The following MGST1 variants were observed in gnomAD, a reference collection of about 807,000 sequenced individuals.
The protein encoded by MGST1 is glutathione S-transferase 12.
In MGST1, 5 loss-of-function variants were observed where a neutral mutation model predicts 8.9. The observed-to-expected ratio is 0.56, with a 90% CI of 0.29 to 1.19. MGST1 has a LOEUF of 1.19. Among genes scored for constraint, MGST1 ranks in the 50% most tolerant of loss-of-function variants. The pLI, the probability that MGST1 is intolerant of heterozygous loss-of-function variation, is 0.08. For synonymous variants in MGST1, 54 were observed against 67.8 expected (o/e 0.80, Z 1.00); for missense variants, 182 against 187.4 (o/e 0.97, Z 0.17).
intron 4 of MGST1, among the ~76,000 whole-genome samples, chr12:16,530,623 C>T (rs550144041): frequency 4.0e-4 from 61 of 152,236 alleles, no homozygotes; most frequent in African/African-American, 1.3e-3. Context: ...GTAAACATGT[C>T]TGCCTACCCC....
intron 4 of MGST1, among the ~76,000 whole-genome samples, chr12:16,574,591 CT>C (rs768417391): frequency 4.8e-4 from 73 of 152,236 alleles, no homozygotes; most frequent in Non-Finnish European, 9.4e-4. Flanking sequence ...AACTTTCCCC[CT>C]ATTTGTACCA....
At chr12:16,364,642 A>G (rs1940151960), downstream of MGST1, among the ~76,000 whole-genome samples, 1 of 152,162 alleles carries the variant, frequency 6.6e-6, no homozygotes, top group African/African-American at 2.4e-5. The surrounding 1 kb of genome is among the most constrained non-coding windows in gnomAD (Gnocchi z 5.7). Flanking sequence ...CGTTTTTCCT[A>G]TGAACAAGAC....
rs1031340250 is a variant in MGST1, at chr12:16,556,752, T to C, written n.483-32776T>C. On this transcript the variant is annotated intron_variant and non_coding_transcript_variant, in intron 4 of 4. Transcript: ENST00000538857. Reference sequence around the variant, plus strand: ...GAATCTCCTATATGAAAACCTTCTGTATCCTGGGTAACAAAATTTGTCTGC... The same window carrying C: ...GAATCTCCTATATGAAAACCTTCTGCATCCTGGGTAACAAAATTTGTCTGC... Among the ~76,000 whole-genome samples, 7 of 152,160 alleles carry C rather than the reference T, an allele frequency of 4.6e-5. No individual in the cohort carries two copies. The East Asian group carries it at 5.8e-4, about 13-fold the overall frequency.
In MGST1 at chr12:16,362,051, A is replaced by G. The variant is rs1565438141; in HGVS notation, c.222-1744A>G. On this transcript the variant is annotated intron_variant, in intron 3 of 3. Coordinates refer to ENST00000396210, the MANE Select transcript of MGST1 (RefSeq NM_020300.5). The surrounding 1 kb of genome is among the most constrained non-coding windows in gnomAD (Gnocchi z 4.4). ...TCTCCTTTTTATAGTTTCTTCCTCA[A>G]CCTTAAAATGTCTGTCCTTTTGGCA... Among the ~76,000 whole-genome samples, 1 of 152,132 alleles carries G rather than the reference A, an allele frequency of 6.6e-6. No homozygotes were observed. The highest frequency in any genetic ancestry group is 1.5e-5 in the Non-Finnish European group (1 of 68,034).
At position 16,383,906 on chromosome 12, in the gene MGST1, A is replaced by G. The variant is rs1039836026; in HGVS notation, n.778+302A>G. Among the ~76,000 whole-genome samples the G allele has an allele frequency of 9.2e-5, 14 of 152,332 alleles. No individual in the cohort carries two copies. The East Asian group carries it at 2.7e-3, about 29-fold the overall frequency. Reference sequence around the variant, plus strand: ...TTACAAATGGCATAATCTCTTTCTTAAACCATACAGGTTTTTGTTGCATTT... The same window carrying G: ...TTACAAATGGCATAATCTCTTTCTTGAACCATACAGGTTTTTGTTGCATTT... On this transcript the variant is annotated intron_variant and non_coding_transcript_variant, in intron 1 of 1. Transcript: ENST00000359720.
chr12:16,442,145 A>AT (rs1408348406), downstream of MGST1, among the ~76,000 whole-genome samples: 1 of 151,674 alleles, frequency 6.6e-6, no homozygotes, highest in Non-Finnish European at 1.5e-5. The surrounding 1 kb of genome is among the most constrained non-coding windows in gnomAD (Gnocchi z 4.5). Context: ...TCTTTTGCCC[A>AT]TTTTTAAATA....
At chr12:16,429,633 A>G (rs1474055749) in intron 1 of MGST1, among the ~76,000 whole-genome samples, 1 of 152,164 alleles carries the variant, frequency 6.6e-6, no homozygotes, top group Non-Finnish European at 1.5e-5. Flanking sequence ...TGCATTTAAA[A>G]ATTATGTTTA....
intron 4 of MGST1, among the ~76,000 whole-genome samples, chr12:16,566,015 T>C (rs1591785708): frequency 1.2e-5 from 1 of 80,600 alleles, no homozygotes; most frequent in Non-Finnish European, 2.5e-5. Flanking sequence ...TATATATATA[T>C]ATATATATAT....
At chr12:16,437,685 C>T (rs1382935182) in exon 2 of MGST1, 1 of 151,998 alleles carries the variant, frequency 6.6e-6, no homozygotes, top group African/African-American at 2.4e-5. Flanking sequence ...AAAATGAAGA[C>T]ATCCTTCCAT....
At chr12:16,440,147 G>A (rs1007542497), downstream of MGST1, among the ~76,000 whole-genome samples, 1 of 151,730 alleles carries the variant, frequency 6.6e-6, no homozygotes, top group Non-Finnish European at 1.5e-5. Context: ...TTTAAATAGA[G>A]TAGAAGTTCA....
At position 16,426,679 on chromosome 12, in the gene MGST1, G is replaced by A. The variant is rs55794088; in HGVS notation, n.779-10709G>A. ...AGTTAAAAGCTGAACAAGGCCGGGC[G>A]CGTGGCTCACGCCTGTAATCCCAGC... On this transcript the variant is annotated intron_variant and non_coding_transcript_variant, in intron 1 of 1. Coordinates refer to the MGST1 transcript ENST00000359720. Among the ~76,000 whole-genome samples, 688 of 152,166 alleles carry A rather than the reference G, an allele frequency of 4.5e-3. 3 individuals carry two copies. The highest frequency in any genetic ancestry group is 5.8e-3 in the Non-Finnish European group (393 of 68,010).
chr12:16,469,895 G>A (rs1053071143), intron 4 of MGST1, among the ~76,000 whole-genome samples: 8 of 152,062 alleles, frequency 5.3e-5, no homozygotes, highest in Non-Finnish European at 1.2e-4. Context: ...CTTAACACAC[G>A]CACAAAAATG....
At chr12:16,406,424 A>G (rs1940698342) in intron 1 of MGST1, among the ~76,000 whole-genome samples, 1 of 152,240 alleles carries the variant, frequency 6.6e-6, no homozygotes, top group African/African-American at 2.4e-5. Context: ...GACGCAAACA[A>G]ATGGAAAAAC....
intron 4 of MGST1, among the ~76,000 whole-genome samples, chr12:16,536,100 TGTG>T (rs1941755735): frequency 2.0e-5 from 3 of 151,652 alleles, no homozygotes; most frequent in Non-Finnish European, 4.4e-5. Flanking sequence ...TGTGTGTGTG[TGTG>T]TGTGTGTGTG....
At chr12:16,460,212 A>G (rs1169329722) in intron 4 of MGST1, among the ~76,000 whole-genome samples, 3 of 152,156 alleles carry the variant, frequency 2.0e-5, no homozygotes, top group Admixed American at 2.0e-4. Context: ...TCTTATTAAC[A>G]GTGTGGCAGT....
chr12:16,539,063 C>A (rs1941776828), intron 4 of MGST1, among the ~76,000 whole-genome samples: 1 of 152,182 alleles, frequency 6.6e-6, no homozygotes, highest in African/African-American at 2.4e-5. Context: ...CTCCCACCAG[C>A]TCTCTCCCAC....
At chr12:16,430,386 A>G (rs1239135412) in intron 1 of MGST1, among the ~76,000 whole-genome samples, 1 of 152,164 alleles carries the variant, frequency 6.6e-6, no homozygotes, top group Non-Finnish European at 1.5e-5. Context: ...AAGGTTTTCA[A>G]TTTACTTGTG....
chr12:16,412,524 A>AT (rs1181328558), intron 1 of MGST1, among the ~76,000 whole-genome samples: 31 of 152,198 alleles, frequency 2.0e-4, no homozygotes, highest in Non-Finnish European at 4.4e-5. Flanking sequence ...TTGGAGCCTG[A>AT]TATGGTTTGG....
intron 4 of MGST1, among the ~76,000 whole-genome samples, chr12:16,525,945 T>C (rs1437174616): frequency 1.3e-5 from 2 of 150,170 alleles, no homozygotes; most frequent in African/African-American, 2.4e-5. Context: ...ATGTCTTCTT[T>C]TGAGAAGTGT....
Sources: gnomAD v4.1 joint callset for allele counts (sites outside exome capture counted in the v4.1 genomes callset) on GRCh38, gnomAD v4.1.1 for gene constraint, Gnocchi (gnomAD v3.1) non-coding constraint, MANE v1.5 for transcripts, NCBI Gene and HGNC (gene_info 2026-07-23, HGNC 2026-07-21) for gene names.